RNLS: variants seen among roughly 807,000 people sequenced by gnomAD.
RNLS encodes renalase, FAD dependent amine oxidase, also known as renalase.
Under a neutral mutation model 39.8 loss-of-function variants are expected in RNLS, and 39 were observed. The ratio of observed to expected loss-of-function variants is 0.98; its 90% CI spans 0.76 to 1.28. RNLS has a LOEUF of 1.28. Among genes scored for constraint, RNLS ranks in the 50% most tolerant of loss-of-function variants. The pLI, the probability that RNLS is intolerant of heterozygous loss-of-function variation, is 0.00. For missense variants in RNLS, 410 were observed against 413.3 expected (o/e 0.99, Z 0.07); for synonymous variants, 147 against 150.7 (o/e 0.98, Z 0.18).
At chr10:88,351,177 G>A (rs1368317595) in intron 5 of RNLS, among the ~76,000 whole-genome samples, 2 of 152,082 alleles carry the variant, frequency 1.3e-5, no homozygotes, top group Non-Finnish European at 2.9e-5. Flanking sequence ...CATTCTGTAG[G>A]TTGCCCATTC....
At chr10:88,419,133 G>A (rs911444709) in intron 4 of RNLS, among the ~76,000 whole-genome samples, 1 of 152,124 alleles carries the variant, frequency 6.6e-6, no homozygotes, top group Non-Finnish European at 1.5e-5. Flanking sequence ...AAAGCCTATT[G>A]CAGGGTTCAT....
At chr10:88,191,343 T>G in the RNLS span, among the ~76,000 whole-genome samples, 1 of 152,200 alleles carries the variant, frequency 6.6e-6, no homozygotes, top group Non-Finnish European at 1.5e-5. Context: ...CAGGGAGTTC[T>G]CTCTCTTTTT....
intron 4 of RNLS, among the ~76,000 whole-genome samples, chr10:88,516,769 G>A (rs1846427474): frequency 1.3e-5 from 2 of 151,978 alleles, no homozygotes; most frequent in South Asian, 2.1e-4. Flanking sequence ...TGGACACCAA[G>A]TCCTTGAGAG....
chr10:88,189,501 CA>C, the RNLS span, among the ~76,000 whole-genome samples: 35 of 150,336 alleles, frequency 2.3e-4, no homozygotes, highest in Admixed American at 8.6e-4. Flanking sequence ...TAATAATAAA[CA>C]AAAAAAAATA....
rs1848707030 is a variant in RNLS at position 88,553,674 on chromosome 10, TTTTTC to T, written c.526+19224_526+19228del. On this transcript the variant is annotated intron_variant, in intron 4 of 6. Coordinates refer to ENST00000331772, the MANE Select transcript of RNLS (RefSeq NM_001031709.3). ...ACTAAATTTACTAATGTGTTTGAATTTTTTCTTTTATGAATTTCGTAACATTCCGT... is the reference window on the plus strand; with the variant it reads ...ACTAAATTTACTAATGTGTTTGAATTTTTTATGAATTTCGTAACATTCCGT... 2.0e-5 allele frequency among the ~76,000 whole-genome samples: 3 copies of T among 152,286 alleles called. No individual in the cohort carries two copies. In the South Asian group the frequency reaches 6.2e-4, roughly 32 times the overall value.
At chr10:88,380,769 T>A (rs1851420129) in intron 4 of RNLS, among the ~76,000 whole-genome samples, 1 of 152,180 alleles carries the variant, frequency 6.6e-6, no homozygotes, top group Non-Finnish European at 1.5e-5. Context: ...TTTATACCTT[T>A]TCTTATTCAT....
At chr10:88,388,196 C>T (rs1051449985) in intron 4 of RNLS, among the ~76,000 whole-genome samples, 5 of 152,092 alleles carry the variant, frequency 3.3e-5, no homozygotes, top group Admixed American at 1.3e-4. Context: ...ATTTTCTTTC[C>T]ATGTTTAATT....
the RNLS span, among the ~76,000 whole-genome samples, chr10:88,261,280 A>G: frequency 6.6e-6 from 1 of 152,198 alleles, no homozygotes; most frequent in Admixed American, 6.5e-5. Context: ...ACCTCAATTC[A>G]TTTATAAAAA....
At chr10:88,317,546 G>T (rs1190496590) in intron 5 of RNLS, among the ~76,000 whole-genome samples, 1 of 152,164 alleles carries the variant, frequency 6.6e-6, no homozygotes, top group Non-Finnish European at 1.5e-5. Flanking sequence ...GGCAGAGCAG[G>T]ATTTGATTTT....
At chr10:88,581,797 G>T in intron 2 of RNLS, 88 bp from the exon 3 acceptor site, 1 of 866,708 alleles carries the variant, frequency 1.2e-6, no homozygotes, top group Non-Finnish European at 1.6e-6. Flanking sequence ...ATTCTCAGAG[G>T]TTATAATTCA....
At chr10:88,190,250 A>G in the RNLS span, among the ~76,000 whole-genome samples, 20 of 152,174 alleles carry the variant, frequency 1.3e-4, no homozygotes, top group African/African-American at 3.4e-4. Context: ...CATTCTTTCA[A>G]TCCCTCAGAC....
At chr10:88,434,508 T>C (rs755896848) in intron 4 of RNLS, among the ~76,000 whole-genome samples, 5 of 152,212 alleles carry the variant, frequency 3.3e-5, no homozygotes, top group African/African-American at 4.8e-5. Flanking sequence ...AAATATTTGC[T>C]ACATGACACT....
chr10:88,254,347 CA>C, the RNLS span, among the ~76,000 whole-genome samples: 1 of 152,190 alleles, frequency 6.6e-6, no homozygotes, highest in Non-Finnish European at 1.5e-5. Context: ...TCTTTCTCCC[CA>C]AACTATGAAA....
chr10:88,236,760 C>T, the RNLS span, among the ~76,000 whole-genome samples: 1 of 152,138 alleles, frequency 6.6e-6, no homozygotes, highest in Non-Finnish European at 1.5e-5. Context: ...ACAGCCCCTG[C>T]TTTGATGGAA....
intron 4 of RNLS, among the ~76,000 whole-genome samples, chr10:88,435,711 C>T (rs1855432328): frequency 6.6e-6 from 1 of 152,002 alleles, no homozygotes; most frequent in Admixed American, 6.6e-5. Flanking sequence ...TATTCAGGCA[C>T]AAAGTGGAGA....
the RNLS span, among the ~76,000 whole-genome samples, chr10:88,255,274 C>T: frequency 6.6e-6 from 1 of 152,230 alleles, no homozygotes; most frequent in Non-Finnish European, 1.5e-5. Context: ...ACATTTCAAA[C>T]TAGTGGCAGT....
the RNLS span, among the ~76,000 whole-genome samples, chr10:88,237,146 A>G: frequency 1.3e-5 from 2 of 151,964 alleles, no homozygotes; most frequent in African/African-American, 2.4e-5. Flanking sequence ...TAAATTTCCT[A>G]TACTGGCATA....
At chr10:88,361,671 G>A (rs994942710) in intron 5 of RNLS, among the ~76,000 whole-genome samples, 1 of 152,142 alleles carries the variant, frequency 6.6e-6, no homozygotes, top group African/African-American at 2.4e-5. Context: ...CTCCAGCCCA[G>A]TTCTATCATT....
chr10:88,502,330 G>GC (rs971892648), intron 4 of RNLS, among the ~76,000 whole-genome samples: 4 of 150,346 alleles, frequency 2.7e-5, no homozygotes, highest in African/African-American at 9.8e-5. Context: ...TGGGAGGTGG[G>GC]CGGGGGGGCG....
Sources: gnomAD v4.1 joint callset for allele counts (sites outside exome capture counted in the v4.1 genomes callset) on GRCh38, gnomAD v4.1.1 for gene constraint, MANE v1.5 for transcripts, NCBI Gene and HGNC (gene_info 2026-07-23, HGNC 2026-07-21) for gene names.